The following COMMD10 variants were observed in gnomAD, a reference collection of about 807,000 sequenced individuals.
COMMD10 encodes COMM domain-containing protein 10.
Under a neutral mutation model 28.9 loss-of-function variants are expected in COMMD10, and 33 were observed. The ratio of observed to expected loss-of-function variants is 1.14; its 90% CI spans 0.87 to 1.53. COMMD10 has a LOEUF of 1.53. Among genes scored for constraint, COMMD10 ranks in the 40% most tolerant of loss-of-function variants. The probability of loss-of-function intolerance (pLI) is 0.00; values close to 1 mark genes in which losing one functional copy is unlikely to be tolerated. For synonymous variants in COMMD10, 110 were observed against 81.7 expected, an observed-to-expected ratio of 1.35 and a Z score of -1.87; for missense variants, 310 against 233.4, an observed-to-expected ratio of 1.33 and a Z score of -2.14.
chr5:116,188,627 T>C (rs897792731), intron 5 of COMMD10: 8 of 131,510 alleles, frequency 6.1e-5, no homozygotes, highest in African/African-American at 3.0e-4. Context: ...CCTTCTTTCT[T>C]TCTCTCTCTC....
At chr5:116,254,026 G>T (rs187614421) in intron 5 of COMMD10, among the ~76,000 whole-genome samples, 69 of 152,228 alleles carry the variant, frequency 4.5e-4, no homozygotes, top group African/African-American at 1.7e-3. Context: ...TTATTCTTGG[G>T]AGAGTATATG....
intron 5 of COMMD10, among the ~76,000 whole-genome samples, chr5:116,160,790 T>C (rs144470921): frequency 1.4e-4 from 22 of 152,228 alleles, no homozygotes; most frequent in Admixed American, 1.4e-3. Context: ...GTAATGAAAG[T>C]AGGAAGAGGA....
intron 2 of COMMD10, among the ~76,000 whole-genome samples, chr5:116,088,520 T>C (rs1159921691): frequency 6.6e-6 from 1 of 152,228 alleles, no homozygotes; most frequent in Non-Finnish European, 1.5e-5. Context: ...CATTGCCCTA[T>C]GGAGAAAAGT....
chr5:116,145,598 C>G (rs893458603), intron 5 of COMMD10, among the ~76,000 whole-genome samples: 1 of 151,738 alleles, frequency 6.6e-6, no homozygotes, highest in Non-Finnish European at 1.5e-5. Flanking sequence ...TAGCCATACT[C>G]TCTGATGTGG....
intron 5 of COMMD10, among the ~76,000 whole-genome samples, chr5:116,138,336 G>A (rs1299157600): frequency 1.3e-5 from 2 of 151,788 alleles, no homozygotes; most frequent in African/African-American, 4.8e-5. Context: ...TAGTCCATAA[G>A]ATAATTGAAT....
At chr5:116,177,969 C>T (rs547319741) in intron 5 of COMMD10, among the ~76,000 whole-genome samples, 2 of 152,210 alleles carry the variant, frequency 1.3e-5, no homozygotes, top group African/African-American at 4.8e-5. Flanking sequence ...TATTCTTTTA[C>T]TCAGATAATA....
intron 5 of COMMD10, among the ~76,000 whole-genome samples, chr5:116,280,616 G>C (rs888614367): frequency 1.4e-4 from 22 of 151,790 alleles, no homozygotes; most frequent in African/African-American, 5.4e-4. Context: ...ACTCTTAAAT[G>C]TTTACTGAAT....
At chr5:116,207,196 C>A (rs1748835367) in intron 5 of COMMD10, among the ~76,000 whole-genome samples, 1 of 151,890 alleles carries the variant, frequency 6.6e-6, no homozygotes, top group Non-Finnish European at 1.5e-5. Context: ...CTTTTTACTC[C>A]CATGGTTTTG....
chr5:116,277,866 G>C (rs1274071473), intron 5 of COMMD10, among the ~76,000 whole-genome samples: 1 of 151,760 alleles, frequency 6.6e-6, no homozygotes, highest in African/African-American at 2.4e-5. Flanking sequence ...TTTCATTCAG[G>C]ATGCCAAATA....
rs570836528 is a variant in COMMD10 at position 116,112,554 on chromosome 5, C to G, written c.399+19854C>G. ...TGTGACTGTATATAGGTGCGCGCCA[C>G]CATGCACAGCTAATTTTTGTACTTT... is the stretch of plus-strand genomic sequence containing the variant. On this transcript the variant is annotated intron_variant, in intron 4 of 6. Coordinates refer to ENST00000274458, the MANE Select transcript of COMMD10 (RefSeq NM_016144.4). Among the ~76,000 whole-genome samples the G allele has an allele frequency of 5.2e-4, 79 of 152,178 alleles. 1 individual carries two copies. Among genetic ancestry groups the G allele is most frequent in the African/African-American group, 1.8e-3 (74 of 41,506 alleles).
intron 5 of COMMD10, among the ~76,000 whole-genome samples, chr5:116,219,451 C>A (rs1447313848): frequency 6.6e-6 from 1 of 152,014 alleles, no homozygotes; most frequent in Non-Finnish European, 1.5e-5. Context: ...AGGCCATAAG[C>A]ACAATAATAA....
Position 116,244,148 on chromosome 5 carries a change from TTTTTTC to T in COMMD10, c.511-47366_511-47361del, listed in dbSNP as rs1247479401. On this transcript the variant is annotated intron_variant, in intron 5 of 6. Coordinates refer to ENST00000274458, the MANE Select transcript of COMMD10 (RefSeq NM_016144.4). ...AGTACAGAGAAATGGATATCACAGC[TTTTTTC>T]TTAAAGAAAATATAGGTTGAGGTAG... Among the ~76,000 whole-genome samples the T allele has an allele frequency of 2.1e-4, 28 of 134,614 alleles. 1 individual carries two copies. Among genetic ancestry groups the T allele is most frequent in the Non-Finnish European group, 2.7e-4 (18 of 65,728 alleles). 88.3% of individuals were successfully genotyped at this position (134,614 alleles called of 152,430 possible). A position where few individuals can be genotyped will look rare whatever the true frequency, so the allele number is the denominator to read the frequency against.
intron 5 of COMMD10, among the ~76,000 whole-genome samples, chr5:116,135,125 A>G (rs1054950162): frequency 2.0e-5 from 3 of 152,142 alleles, no homozygotes; most frequent in Non-Finnish European, 4.4e-5. Context: ...AGGGGGAGTG[A>G]CTTTTTCCTC....
intron 5 of COMMD10, among the ~76,000 whole-genome samples, chr5:116,224,075 A>G (rs1200744433): frequency 2.6e-5 from 4 of 152,158 alleles, no homozygotes; most frequent in Non-Finnish European, 5.9e-5. Context: ...CTCTTGGACT[A>G]TTCATTTAAC....
At chr5:116,090,044 C>T (rs1439092654) in intron 2 of COMMD10, among the ~76,000 whole-genome samples, 1 of 152,164 alleles carries the variant, frequency 6.6e-6, no homozygotes, top group Non-Finnish European at 1.5e-5. Context: ...TGTTGCCCCT[C>T]TACTGGTACT....
rs1561410545 is a variant in COMMD10, at chr5:116,288,631, T to A, written c.511-2886T>A. Among the ~76,000 whole-genome samples, 5 of 151,786 alleles carry A rather than the reference T, an allele frequency of 3.3e-5. No homozygotes were observed. The South Asian group carries it at 1.0e-3, about 31-fold the overall frequency. ...ATCCCTTATCATCTCTTCACATTTC[T>A]TCTTTCTTTTTTCTCCTCTGCTCAG... On this transcript the variant is annotated intron_variant, in intron 5 of 6. Transcript: ENST00000274458.
intron 5 of COMMD10, chr5:116,255,972 C>G (rs531489281): frequency 6.6e-6 from 1 of 151,694 alleles, no homozygotes; most frequent in African/African-American, 2.4e-5. Context: ...TAATTTTTCT[C>G]ATTTCCTTAA....
At chr5:116,257,294 G>C (rs568397241) in intron 5 of COMMD10, among the ~76,000 whole-genome samples, 1 of 151,548 alleles carries the variant, frequency 6.6e-6, no homozygotes, top group Non-Finnish European at 1.5e-5. Context: ...TTCAGATTAG[G>C]GATGCACAAC....
At chr5:116,251,562 C>A (rs373017342) in intron 5 of COMMD10, among the ~76,000 whole-genome samples, 64 of 149,394 alleles carry the variant, frequency 4.3e-4, no homozygotes, top group African/African-American at 1.6e-3. Flanking sequence ...TTTGTTCTTG[C>A]GATAGTTTAC....
Sources: allele counts gnomAD v4.1 joint callset (sites outside exome capture counted in the v4.1 genomes callset), GRCh38; gene constraint gnomAD v4.1.1; transcripts MANE v1.5; gene names NCBI Gene and HGNC (gene_info 2026-07-23, HGNC 2026-07-21).